MRPL34: variants seen among roughly 807,000 people sequenced by gnomAD.
The protein encoded by MRPL34 is large ribosomal subunit protein bL34m.
Under a neutral mutation model 6.7 loss-of-function variants are expected in MRPL34, and 8 were observed. That is an observed-to-expected ratio of 1.20 (90% CI 0.70 to 2.16). The LOEUF is 2.16. MRPL34 is among the 30% of genes most tolerant of loss of function. The pLI, the probability that MRPL34 is intolerant of heterozygous loss-of-function variation, is 0.00. For synonymous variants in MRPL34, 59 were observed against 55.1 expected, an observed-to-expected ratio of 1.07 and a Z score of -0.31; for missense variants, 146 against 125.5, an observed-to-expected ratio of 1.16 and a Z score of -0.78.
At chr19:17,302,784 C>T, upstream of MRPL34, 1 of 152,430 alleles carries the variant, frequency 6.6e-6, no homozygotes, top group Non-Finnish European at 1.5e-5. Flanking sequence ...CCTTGGGCCA[C>T]CCCCGCCCCC....
chr19:17,296,094 T>TGAA (rs1431176726), intron 1 of MRPL34: 1 of 152,216 alleles, frequency 6.6e-6, no homozygotes, highest in Non-Finnish European at 1.5e-5. Context: ...CATGGACACC[T>TGAA]GAAGGGGTGA....
At position 17,306,429 on chromosome 19, in the gene MRPL34, C is replaced by A; in HGVS notation, c.*50C>A. On this transcript the variant is annotated 3_prime_UTR_variant, in exon 2 of 2. Coordinates refer to ENST00000252602, the MANE Select transcript of MRPL34 (RefSeq NM_023937.4). ...CCTCATGGAAGCATCGCCCTCGCCT[C>A]GGACCTTGCCTGGCGCTATTTTTGC... is the stretch of plus-strand genomic sequence containing the variant. The A allele has an allele frequency of 1.4e-6, 2 of 1,470,434 alleles. No individual in the cohort carries two copies. Among genetic ancestry groups the A allele is most frequent in the Admixed American group, 2.4e-5 (1 of 40,852 alleles). 91.1% of individuals were successfully genotyped at this position (1,470,434 alleles called of 1,614,324 possible). A position where few individuals can be genotyped will look rare whatever the true frequency, so the allele number is the denominator to read the frequency against.
upstream of MRPL34, among the ~76,000 whole-genome samples, chr19:17,303,864 C>T (rs1291669803): frequency 6.6e-6 from 1 of 152,198 alleles, no homozygotes; most frequent in African/African-American, 2.4e-5. Context: ...ATAAAGGGCA[C>T]AAGAGCATAA....
At position 17,306,231 on chromosome 19, in the gene MRPL34, C is replaced by A. The variant is rs189134820; in HGVS notation, c.131C>A (p.Ala44Asp). ...TGGGGCCTCCCCACCCCGCAGCAGG[C>A]CCGGGGCAAGGCTCGCGGGAATGAG... Reference protein sequence around the residue: ...DAWGLPTPQQARGKARGNEYQ... With the variant: ...DAWGLPTPQQDRGKARGNEYQ... Residue 44 changes from alanine (A) to aspartate (D), a missense_variant, in exon 2 of 2, where the codon GCC becomes GAC. Ala to Asp is a moderately radical substitution (Grantham distance 126). Transcript: ENST00000252602. 1.8e-5 allele frequency: 28 copies of A among 1,572,994 alleles called. No homozygotes were observed. The highest frequency in any genetic ancestry group is 2.3e-5 in the Non-Finnish European group (27 of 1,159,750).
At chr19:17,305,208 G>T (rs1396252575), upstream of MRPL34, among the ~76,000 whole-genome samples, 4 of 151,746 alleles carry the variant, frequency 2.6e-5, no homozygotes, top group South Asian at 8.3e-4. Flanking sequence ...GTAGGGGAGG[G>T]GTTCAGATCT....
chr19:17,295,557 C>T (rs962530452), intron 1 of MRPL34, among the ~76,000 whole-genome samples: 18 of 152,138 alleles, frequency 1.2e-4, no homozygotes, highest in African/African-American at 4.3e-4. Context: ...CAGGCATGCA[C>T]CACCACACCT....
At chr19:17,300,743 G>A (rs1414200670), upstream of MRPL34, 1 of 1,342,902 alleles carries the variant, frequency 7.4e-7, no homozygotes, top group East Asian at 2.4e-5. Flanking sequence ...CTCCCAAAGT[G>A]CTGGGATTAC....
intron 1 of MRPL34, among the ~76,000 whole-genome samples, chr19:17,293,075 TTTC>T (rs2074078047): frequency 2.0e-5 from 3 of 148,362 alleles, no homozygotes; most frequent in Non-Finnish European, 4.4e-5. Flanking sequence ...GGAGAAGGAT[TTTC>T]TTCTTTTTTT....
chr19:17,306,222 C>A lies in MRPL34; in HGVS notation c.122C>A (p.Pro41Gln). 6.4e-7 allele frequency: 1 copy of A among 1,565,272 alleles called. No homozygotes were observed. The highest frequency in any genetic ancestry group is 8.7e-7 in the Non-Finnish European group (1 of 1,155,550). The change falls in exon 2 of 2, where the codon CCG (proline) becomes CAG (glutamine). Residue 41 changes from proline to glutamine, a missense_variant. Pro to Gln is a moderately conservative substitution (Grantham distance 76). Coordinates refer to ENST00000252602, the MANE Select transcript of MRPL34 (RefSeq NM_023937.4). Reference sequence around the variant, plus strand: ...CCAGACGCCTGGGGCCTCCCCACCCCGCAGCAGGCCCGGGGCAAGGCTCGC... The same window carrying A: ...CCAGACGCCTGGGGCCTCCCCACCCAGCAGCAGGCCCGGGGCAAGGCTCGC... ...GFPDAWGLPT[P>Q]QQARGKARGN...
At chr19:17,292,639 C>G (rs2074075941) in exon 1 of MRPL34, 3 of 1,594,562 alleles carry the variant, frequency 1.9e-6, no homozygotes, top group Non-Finnish European at 2.6e-6. Flanking sequence ...GCTCACCAAG[C>G]GATGCCCCGC....
In MRPL34 at chr19:17,306,627, G is replaced by A; in HGVS notation, c.*248G>A. The A allele has an allele frequency of 2.7e-6, 1 of 371,234 alleles. No homozygotes were observed. Among genetic ancestry groups the A allele is most frequent in the South Asian group, 4.8e-5 (1 of 20,868 alleles). The allele number at this position is 371,234 out of a possible 1,614,324, so 23.0% of individuals were successfully genotyped here. A position where few individuals can be genotyped will look rare whatever the true frequency, so the allele number is the denominator to read the frequency against. On this transcript the variant is annotated 3_prime_UTR_variant, in exon 2 of 2. Transcript: ENST00000252602. Reference sequence around the variant, plus strand: ...AGAACATCCGTGTACCCAGTACCCTGACTACCGACTACCTACAACCCGTCC... The same window carrying A: ...AGAACATCCGTGTACCCAGTACCCTAACTACCGACTACCTACAACCCGTCC...
chr19:17,301,893 A>C (rs1330438935), upstream of MRPL34, among the ~76,000 whole-genome samples: 3 of 151,970 alleles, frequency 2.0e-5, no homozygotes, highest in Admixed American at 6.6e-5. Context: ...TCCTGGGTTC[A>C]AGCGATTCTC....
intron 1 of MRPL34, chr19:17,294,962 C>T (rs983525383): frequency 1.3e-5 from 17 of 1,288,606 alleles, no homozygotes; most frequent in Non-Finnish European, 1.6e-5. Flanking sequence ...TTTACTCTGT[C>T]CCCCAGGCTG....
chr19:17,295,090 ATTTTTT>A (rs779607230), intron 1 of MRPL34, among the ~76,000 whole-genome samples: 8 of 80,410 alleles, frequency 9.9e-5, no homozygotes, highest in Non-Finnish European at 1.6e-4. Flanking sequence ...CACCCAGGTA[ATTTTTT>A]TTTTTTTTTT....
chr19:17,301,770 T>TTTGG (rs1355246440), upstream of MRPL34: 15 of 907,316 alleles, frequency 1.7e-5, no homozygotes, highest in African/African-American at 3.3e-4. Flanking sequence ...ACTGAGATTT[T>TTTGG]TTTGTTTGTG....
At chr19:17,305,042 G>GGAT (rs398071164), upstream of MRPL34, among the ~76,000 whole-genome samples, 1 of 151,870 alleles carries the variant, frequency 6.6e-6, no homozygotes, top group South Asian at 2.1e-4. Context: ...AGCCCTTGGA[G>GGAT]AGGAAAGGAT....
At chr19:17,293,399 G>C (rs562268915) in intron 1 of MRPL34, among the ~76,000 whole-genome samples, 1 of 147,510 alleles carries the variant, frequency 6.8e-6, no homozygotes, top group Non-Finnish European at 1.5e-5. Context: ...GCCCGGCCTG[G>C]AGGAGGATTT....
At chr19:17,293,013 ACCCAACTAGTATTCAGG>A (rs1383022290) in intron 1 of MRPL34, among the ~76,000 whole-genome samples, 1 of 151,980 alleles carries the variant, frequency 6.6e-6, no homozygotes, top group African/African-American at 2.4e-5. Context: ...CCCTGCTGGA[ACCCAACTAGTATTCAGG>A]CATCCAGCAT....
chr19:17,305,410 G>A (rs570012549), upstream of MRPL34, among the ~76,000 whole-genome samples: 1 of 152,324 alleles, frequency 6.6e-6, no homozygotes, highest in South Asian at 2.1e-4. Context: ...TTGAACTCAG[G>A]CCTCCTCGGC....
Sources: allele counts gnomAD v4.1 joint callset (sites outside exome capture counted in the v4.1 genomes callset), GRCh38; gene constraint gnomAD v4.1.1; transcripts MANE v1.5; gene names NCBI Gene and HGNC (gene_info 2026-07-23, HGNC 2026-07-21).